The following C3orf22 variants were observed in gnomAD, a reference collection of about 807,000 sequenced individuals.
The protein encoded by C3orf22 is chromosome 3 open reading frame 22, also known as uncharacterized protein C3orf22.
Under a neutral mutation model 10.8 loss-of-function variants are expected in C3orf22, and 7 were observed. The ratio of observed to expected loss-of-function variants is 0.65; its 90% CI spans 0.37 to 1.22. The LOEUF (loss-of-function observed/expected upper bound fraction) is 1.22, where lower values mean the gene tolerates loss of function less well. Among genes scored for constraint, C3orf22 ranks in the 50% most tolerant of loss-of-function variants. C3orf22 has a pLI of 0.02. For synonymous variants in C3orf22, 79 were observed against 78.9 expected, an observed-to-expected ratio of 1.00 and a Z score of 0.00; for missense variants, 173 against 177.0, an observed-to-expected ratio of 0.98 and a Z score of 0.13.
intron 1 of C3orf22, among the ~76,000 whole-genome samples, chr3:126,554,588 C>A (rs1261222035): frequency 6.6e-6 from 1 of 152,154 alleles, no homozygotes; most frequent in Non-Finnish European, 1.5e-5. Context: ...TTTTAAAGCA[C>A]CCCAGGTGAG....
At chr3:126,548,371 T>C (rs568762620), downstream of C3orf22, among the ~76,000 whole-genome samples, 13 of 152,242 alleles carry the variant, frequency 8.5e-5, no homozygotes, top group South Asian at 1.7e-3. Context: ...CAGGGTGTGG[T>C]GAAGTGGGGG....
chr3:126,551,877 GC>G, intron 3 of C3orf22, 119 bp downstream of exon 3: 1 of 1,140,708 alleles, frequency 8.8e-7, no homozygotes, highest in Non-Finnish European at 1.2e-6. Flanking sequence ...AGTTTCCTCA[GC>G]TTTAAAGTGG....
rs141794704 is a variant in C3orf22 at position 126,533,160 on chromosome 3, G to A, written c.287-3788C>T. 3.7e-3 allele frequency among the ~76,000 whole-genome samples: 556 copies of A among 151,848 alleles called. 5 individuals carry two copies. Among genetic ancestry groups the A allele is most frequent in the African/African-American group, 0.013 (529 of 41,416 alleles). On this transcript the variant is annotated intron_variant and NMD_transcript_variant, in intron 4 of 5. Coordinates refer to the C3orf22 transcript ENST00000505070. ...TTTAGGGTTTTCTATATATATATAC[G>A]GTTATGTCATCTATGAATAGACAAA...
exon 5 of C3orf22, chr3:126,529,353 G>C: frequency 7.8e-7 from 1 of 1,289,378 alleles, no homozygotes; most frequent in Non-Finnish European, 1.0e-6. Flanking sequence ...TCATGGGTCA[G>C]TGAAATGGGG....
At chr3:126,555,252 T>C (rs1288069285) in intron 1 of C3orf22, among the ~76,000 whole-genome samples, 1 of 152,204 alleles carries the variant, frequency 6.6e-6, no homozygotes, top group Non-Finnish European at 1.5e-5. Flanking sequence ...TGATGCGTGC[T>C]TCCCTGGCTG....
intron 4 of C3orf22, chr3:126,542,083 C>A: frequency 1.3e-6 from 2 of 1,584,280 alleles, no homozygotes; most frequent in African/African-American, 1.4e-5. Context: ...GGGAGCCCTT[C>A]GAGCGCCTGG....
At chr3:126,557,777 C>T (rs957166600) in intron 1 of C3orf22, among the ~76,000 whole-genome samples, 4 of 152,226 alleles carry the variant, frequency 2.6e-5, no homozygotes, top group African/African-American at 9.6e-5. Context: ...GTCCCTTGCC[C>T]GCACCAAGAA....
At chr3:126,542,864 G>A (rs777053857) in intron 4 of C3orf22, 4 of 325,012 alleles carry the variant, frequency 1.2e-5, no homozygotes, top group African/African-American at 2.2e-5. Flanking sequence ...GCAAGGACTT[G>A]ATAACCAGGG....
At chr3:126,536,877 TTTC>T (rs1936803717) in intron 4 of C3orf22, among the ~76,000 whole-genome samples, 1 of 113,184 alleles carries the variant, frequency 8.8e-6, no homozygotes, top group South Asian at 3.1e-4. Context: ...TCTCTCTCTC[TTTC>T]TCACACACAC....
chr3:126,542,182 G>A (rs1936975866), intron 4 of C3orf22: 3 of 1,448,034 alleles, frequency 2.1e-6, no homozygotes, highest in East Asian at 2.9e-5. Flanking sequence ...GCCTGCGGCC[G>A]CGCGCGCTCC....
At chr3:126,536,723 C>T (rs775974467) in intron 4 of C3orf22, among the ~76,000 whole-genome samples, 2 of 151,970 alleles carry the variant, frequency 1.3e-5, no homozygotes, top group African/African-American at 4.8e-5. Context: ...CCCCCAGCCC[C>T]GGCGTGATTC....
At chr3:126,532,304 G>A (rs1936675985) in intron 4 of C3orf22, among the ~76,000 whole-genome samples, 1 of 152,144 alleles carries the variant, frequency 6.6e-6, no homozygotes, top group Middle Eastern at 3.2e-3. Flanking sequence ...AAATTTTGTT[G>A]TTTTGTGCTT....
chr3:126,540,534 G>A (rs1416106053), intron 4 of C3orf22, among the ~76,000 whole-genome samples: 1 of 152,178 alleles, frequency 6.6e-6, no homozygotes, highest in East Asian at 1.9e-4. Context: ...ACGCCCTCCA[G>A]GTCAGCCCAT....
At chr3:126,542,740 G>A in intron 4 of C3orf22, 1 of 1,142,354 alleles carries the variant, frequency 8.8e-7, no homozygotes, top group Non-Finnish European at 1.1e-6. Flanking sequence ...CCAGGCTTGG[G>A]GGCAGCCCAT....
intron 4 of C3orf22, chr3:126,541,920 T>C: frequency 1.3e-6 from 2 of 1,598,466 alleles, no homozygotes; most frequent in East Asian, 2.3e-5. Context: ...TGGAAGCGCG[T>C]GCTGCTGGCG....
rs574234991 is a variant in C3orf22, at chr3:126,555,247, C to T, written c.-40-1817G>A. On this transcript the variant is annotated intron_variant, in intron 1 of 3. Coordinates refer to ENST00000318225, the MANE Select transcript of C3orf22 (RefSeq NM_152533.3). Reference sequence around the variant, plus strand: ...CCTTTGGTCAAGGTGACCCCTGATGCGTGCTTCCCTGGCTGCTGGGGGTTC... The same window carrying T: ...CCTTTGGTCAAGGTGACCCCTGATGTGTGCTTCCCTGGCTGCTGGGGGTTC... Among the ~76,000 whole-genome samples the T allele has an allele frequency of 5.9e-5, 9 of 152,330 alleles. 1 individual carries two copies. Among genetic ancestry groups the T allele is most frequent in the African/African-American group, 1.9e-4 (8 of 41,574 alleles).
intron 1 of C3orf22, among the ~76,000 whole-genome samples, chr3:126,557,364 T>C (rs1576255435): frequency 6.6e-6 from 1 of 152,322 alleles, no homozygotes; most frequent in East Asian, 1.9e-4. Flanking sequence ...CAAAATCCGA[T>C]GATGTCTGGA....
At chr3:126,554,745 T>A (rs765911318) in intron 1 of C3orf22, among the ~76,000 whole-genome samples, 1 of 152,142 alleles carries the variant, frequency 6.6e-6, no homozygotes, top group Non-Finnish European at 1.5e-5. Flanking sequence ...CCCTGAAGCA[T>A]GTTGTGACAA....
intron 4 of C3orf22, among the ~76,000 whole-genome samples, chr3:126,535,944 G>C (rs534385259): frequency 6.6e-6 from 1 of 152,238 alleles, no homozygotes; most frequent in Non-Finnish European, 1.5e-5. Flanking sequence ...GATGGCAGTG[G>C]GTGAGTTTGG....
Sources: allele counts gnomAD v4.1 joint callset (sites outside exome capture counted in the v4.1 genomes callset), GRCh38; gene constraint gnomAD v4.1.1; transcripts MANE v1.5; gene names NCBI Gene and HGNC (gene_info 2026-07-23, HGNC 2026-07-21).